Variants in NR3C1 observed in about 807,000 individuals in gnomAD.
NR3C1 encodes the protein nuclear receptor subfamily 3 group C member 1, also known as glucocorticoid receptor.
NR3C1 carries 14 observed loss-of-function variants against 74.0 expected under a neutral mutation model. That is an observed-to-expected ratio of 0.19 (90% CI 0.12 to 0.30). The LOEUF (loss-of-function observed/expected upper bound fraction) is 0.30. Ranked by LOEUF, NR3C1 falls within the 10% of genes least tolerant of loss-of-function variation. The pLI is 1.00. For synonymous variants in NR3C1, 308 were observed against 332.5 expected (o/e 0.93, Z 0.80); for missense variants, 695 against 909.8 (o/e 0.76, Z 3.04).
chr5:143,434,625 T>G, exon 1 of NR3C1: 1 of 985,444 alleles, frequency 1.0e-6, no homozygotes, highest in Non-Finnish European at 1.2e-6. Context: ...AAGGTACAAC[T>G]AAAGCCCGAG....
intron 7 of NR3C1, among the ~76,000 whole-genome samples, chr5:143,293,425 A>G (rs1387874483): frequency 6.6e-6 from 1 of 152,204 alleles, no homozygotes; most frequent in Admixed American, 6.6e-5. Context: ...TACAGTGTAC[A>G]CTGCTCGGGT....
In NR3C1 at chr5:143,424,059, T is replaced by TTGGG. The variant is rs1554104653; in HGVS notation, c.-14+10472_-14+10473insCCCA. ...GGGGAACATCACACTCTGGGGACTGTTGTGGGGTGTGGGGAGGGGGGAGGG... is the reference window on the plus strand; with the variant it reads ...GGGGAACATCACACTCTGGGGACTGTTGGGTGTGGGGTGTGGGGAGGGGGGAGGG... On this transcript the variant is annotated intron_variant, in intron 1 of 8. Coordinates refer to the NR3C1 transcript ENST00000343796. 3.7e-5 allele frequency among the ~76,000 whole-genome samples: 4 copies of TTGGG among 108,680 alleles called. No homozygotes were observed. In the East Asian group the frequency reaches 1.1e-3, roughly 30 times the overall value. The allele number at this position is 108,680 out of a possible 152,430, so 71.3% of individuals were successfully genotyped here.
intron 1 of NR3C1, among the ~76,000 whole-genome samples, chr5:143,401,860 G>GCCTTCACCTATCCAAA (rs1402734700): frequency 1.3e-5 from 2 of 152,188 alleles, no homozygotes; most frequent in African/African-American, 4.8e-5. Context: ...AATTTTCTCT[G>GCCTTCACCTATCCAAA]CCTTCACCTA....
intron 2 of NR3C1, among the ~76,000 whole-genome samples, chr5:143,397,030 T>C (rs1318800024): frequency 6.6e-6 from 1 of 151,874 alleles, no homozygotes; most frequent in African/African-American, 2.4e-5. Flanking sequence ...AAGGTTTCTC[T>C]TGTTTTACTA....
At chr5:143,412,199 T>C (rs1048538597) in intron 1 of NR3C1, among the ~76,000 whole-genome samples, 2 of 146,496 alleles carry the variant, frequency 1.4e-5, no homozygotes, top group Non-Finnish European at 3.0e-5. Flanking sequence ...AAGGTAAATA[T>C]CTTTATATCA....
chr5:143,338,825 C>T (rs746805929), intron 2 of NR3C1, among the ~76,000 whole-genome samples: 9 of 152,136 alleles, frequency 5.9e-5, no homozygotes, highest in African/African-American at 1.7e-4. Context: ...AATAAATGTC[C>T]TAGGCCTTCA....
chr5:143,413,597 C>A (rs1841376486), intron 1 of NR3C1, among the ~76,000 whole-genome samples: 1 of 152,148 alleles, frequency 6.6e-6, no homozygotes, highest in African/African-American at 2.4e-5. Context: ...CACCTCTCCA[C>A]CTGGTGGCCT....
At chr5:143,422,493 G>A (rs1490580042) in intron 1 of NR3C1, among the ~76,000 whole-genome samples, 2 of 152,184 alleles carry the variant, frequency 1.3e-5, no homozygotes, top group Non-Finnish European at 1.5e-5. Flanking sequence ...CTAACCCCAT[G>A]GTGATGGCAT....
intron 1 of NR3C1, among the ~76,000 whole-genome samples, chr5:143,410,492 G>T (rs1309739509): frequency 6.6e-6 from 1 of 152,122 alleles, no homozygotes; most frequent in Non-Finnish European, 1.5e-5. Flanking sequence ...ATCAGTATTT[G>T]TCAATTAAAT....
chr5:143,279,565 T>TGCTC lies in NR3C1; in HGVS notation c.*2323_*2324insGAGC. On this transcript the variant is annotated 3_prime_UTR_variant, in exon 9 of 9. Transcript: ENST00000394464. ...ATATTACATTCCCTTTTAGAGAGCA[T>TGCTC]TCAAAAAGCAAATGATTGTTTTTTT... 1 of 553,356 alleles carries TGCTC rather than the reference T, an allele frequency of 1.8e-6. No homozygotes were observed. The highest frequency in any genetic ancestry group is 2.8e-6 in the Non-Finnish European group (1 of 358,178). 34.3% of individuals were successfully genotyped at this position (553,356 alleles called of 1,614,324 possible).
At chr5:143,404,095 G>C, upstream of NR3C1, 1 of 985,452 alleles carries the variant, frequency 1.0e-6, no homozygotes, top group South Asian at 4.7e-5. Context: ...CCACTCGGGA[G>C]CTCGCTCTGC....
intron 2 of NR3C1, among the ~76,000 whole-genome samples, chr5:143,379,321 T>C (rs1271444676): frequency 6.6e-6 from 1 of 152,220 alleles, no homozygotes; most frequent in Non-Finnish European, 1.5e-5. Flanking sequence ...CATTACTGAA[T>C]GCCTATCAGG....
At chr5:143,426,192 ATAAT>A (rs949466915) in intron 1 of NR3C1, among the ~76,000 whole-genome samples, 3 of 152,202 alleles carry the variant, frequency 2.0e-5, no homozygotes, top group African/African-American at 7.2e-5. Context: ...AGACAGAGAA[ATAAT>A]TAATTAGTGG....
rs1392579528 is a variant in NR3C1, at chr5:143,300,178, C to T, written c.1747+307G>A. ...GAAAACAAATGGAATTAACTAAAAA[C>T]ATTTTCTTTCCCCAAACTTCAGTGT... On this transcript the variant is annotated intron_variant, in intron 5 of 8. Transcript: ENST00000394464. The surrounding 1 kb of genome is among the most constrained non-coding windows in gnomAD (Gnocchi z 5.2). Among the ~76,000 whole-genome samples the T allele has an allele frequency of 6.6e-6, 1 of 152,142 alleles. No homozygotes were observed. The highest frequency in any genetic ancestry group is 1.5e-5 in the Non-Finnish European group (1 of 67,998).
At chr5:143,433,163 C>T (rs1319925235) in intron 1 of NR3C1, among the ~76,000 whole-genome samples, 1 of 151,866 alleles carries the variant, frequency 6.6e-6, no homozygotes, top group African/African-American at 2.4e-5. Flanking sequence ...TGATATACCC[C>T]AAAGGCAACT....
At chr5:143,333,154 A>G in intron 2 of NR3C1, 1 of 1,575,166 alleles carries the variant, frequency 6.3e-7, no homozygotes, top group Non-Finnish European at 8.6e-7. Context: ...CATGCTACCA[A>G]AAATAGAGTG....
At chr5:143,356,199 T>C (rs1831096479) in intron 2 of NR3C1, among the ~76,000 whole-genome samples, 1 of 152,212 alleles carries the variant, frequency 6.6e-6, no homozygotes, top group South Asian at 2.1e-4. Flanking sequence ...TAGTATCCTC[T>C]CATCAGTTTA....
chr5:143,380,118 A>G (rs143956524), intron 2 of NR3C1, among the ~76,000 whole-genome samples: 2 of 152,210 alleles, frequency 1.3e-5, no homozygotes, highest in East Asian at 1.9e-4. Context: ...ACTTTGAGCA[A>G]GCAGAGAAAA....
rs1209752970 is a variant in NR3C1, at chr5:143,282,470, CGGGGGT to C, written c.2181+92_2181+97del. ...ATCACCAACATCCACAAACTGGGGG[CGGGGGT>C]GGGGGCGCTGCTGGTATATAATTAT... On this transcript the variant is annotated intron_variant, in intron 8 of 8. Coordinates refer to ENST00000394464, the MANE Select transcript of NR3C1 (RefSeq NM_000176.3). 1.3e-5 allele frequency: 14 copies of C among 1,052,476 alleles called. No homozygotes were observed. The Admixed American group carries it at 3.9e-4, about 30-fold the overall frequency. 65.2% of individuals were successfully genotyped at this position (1,052,476 alleles called of 1,614,324 possible). A position where few individuals can be genotyped will look rare whatever the true frequency, so the allele number is the denominator to read the frequency against.
Sources: allele counts gnomAD v4.1 joint callset (sites outside exome capture counted in the v4.1 genomes callset), GRCh38; gene constraint gnomAD v4.1.1; non-coding constraint Gnocchi (gnomAD v3.1); transcripts MANE v1.5; gene names NCBI Gene and HGNC (gene_info 2026-07-23, HGNC 2026-07-21).